The following SLC16A6 variants were observed in gnomAD, a reference collection of about 807,000 sequenced individuals.
SLC16A6 encodes the protein solute carrier family 16 member 6.
Under a neutral mutation model 33.8 loss-of-function variants are expected in SLC16A6, and 15 were observed. That is an observed-to-expected ratio of 0.44 (90% CI 0.30 to 0.68). The LOEUF (loss-of-function observed/expected upper bound fraction) is 0.68. Ranked by LOEUF, SLC16A6 falls within the 30% of genes least tolerant of loss-of-function variation. The pLI, the probability that SLC16A6 is intolerant of heterozygous loss-of-function variation, is 0.10. For missense variants in SLC16A6, 451 were observed against 661.5 expected (o/e 0.68, Z 3.49); for synonymous variants, 219 against 248.4 (o/e 0.88, Z 1.11).
chr17:68,285,829 C>T (rs1167879572), intron 1 of SLC16A6, among the ~76,000 whole-genome samples: 3 of 151,532 alleles, frequency 2.0e-5, no homozygotes, highest in African/African-American at 4.9e-5. Flanking sequence ...GGCATGATTT[C>T]GGCTCACTGC....
chr17:68,284,482 G>T (rs575960766), intron 1 of SLC16A6, among the ~76,000 whole-genome samples: 3 of 152,192 alleles, frequency 2.0e-5, no homozygotes, highest in African/African-American at 4.8e-5. Flanking sequence ...CAGGGTCAGG[G>T]TGCATTATAT....
Position 68,269,313 on chromosome 17 carries a change from C to T in SLC16A6, c.1355G>A (p.Arg452Lys). Reference sequence around the variant, plus strand: ...GCCAGCTGCGCAGGAGTAGAAGGCCCTGCTGTAGATCTTACTTTGGTCCAC... The same window carrying T: ...GCCAGCTGCGCAGGAGTAGAAGGCCTTGCTGTAGATCTTACTTTGGTCCAC... ...LLVDQSKIYS[R>K]AFYSCAAGMA... is the part of the protein sequence containing the mutation. Residue 452 changes from arginine to lysine, a missense_variant, in exon 6 of 6, where the codon AGG becomes AAG. Transcript: ENST00000580666. The T allele has an allele frequency of 8.0e-7, 1 of 1,254,500 alleles. No homozygotes were observed. The allele number at this position is 1,254,500 out of a possible 1,614,324, so 77.7% of individuals were successfully genotyped here.
intron 1 of SLC16A6, among the ~76,000 whole-genome samples, chr17:68,283,404 C>T (rs1324692105): frequency 6.6e-6 from 1 of 152,068 alleles, no homozygotes; most frequent in East Asian, 1.9e-4. Context: ...GCCTGTAGTC[C>T]CAGCTACTCC....
In SLC16A6 at chr17:68,269,920, G is replaced by A. The variant is rs1420520597; in HGVS notation, c.1322-574C>T. Among the ~76,000 whole-genome samples the A allele has an allele frequency of 5.3e-5, 8 of 151,960 alleles. No individual in the cohort carries two copies. In the East Asian group the frequency reaches 1.4e-3, roughly 26 times the overall value. On this transcript the variant is annotated intron_variant, in intron 5 of 5. Coordinates refer to ENST00000580666, the MANE Select transcript of SLC16A6 (RefSeq NM_004694.5). ...ACTCCTGACCTCAAATGATCCGCCC[G>A]CCTCATCCTCCCAAAGTGTTGGGAT...
chr17:68,280,463 G>C (rs1228115889), intron 1 of SLC16A6, among the ~76,000 whole-genome samples: 2 of 152,100 alleles, frequency 1.3e-5, no homozygotes, highest in Non-Finnish European at 2.9e-5. Context: ...TGGAACAGAA[G>C]AGAGAACCCT....
chr17:68,270,755 G>GT (rs1273694898), intron 5 of SLC16A6, 84 bp downstream of exon 5: 428 of 1,267,958 alleles, frequency 3.4e-4, no homozygotes, highest in Non-Finnish European at 4.3e-4. Flanking sequence ...ACGGCAGTAA[G>GT]TTTTTTTTAT....
chr17:68,274,277 G>A, intron 2 of SLC16A6: 1 of 440,014 alleles, frequency 2.3e-6, no homozygotes, highest in Non-Finnish European at 4.1e-6. Flanking sequence ...ACTAGCCCGG[G>A]CAACATGGTG....
Position 68,271,485 on chromosome 17 carries a change from C to G in SLC16A6, c.675G>C (p.Met225Ile). The part of the protein sequence containing the change: ...IQENRKEAQY[M>I]LENEKTRTSI... The stretch of plus-strand genomic sequence containing the variant: ...AGGTTCGTGTTTTCTCATTTTCAAG[C>G]ATATACTGCGCTTCTTTCCGATTTT... Residue 225 changes from methionine (M) to isoleucine (I), a missense_variant, in exon 5 of 6, where the codon ATG (methionine) becomes ATC (isoleucine). Met to Ile is a conservative substitution (Grantham distance 10). Transcript: ENST00000580666. The surrounding 1 kb of genome is among the most constrained non-coding windows in gnomAD (Gnocchi z 5.3). 6.2e-7 allele frequency: 1 copy of G among 1,614,166 alleles called. No individual in the cohort carries two copies. The highest frequency in any genetic ancestry group is 8.5e-7 in the Non-Finnish European group (1 of 1,180,042).
At chr17:68,283,369 A>G (rs1289847427) in intron 1 of SLC16A6, among the ~76,000 whole-genome samples, 3 of 151,798 alleles carry the variant, frequency 2.0e-5, no homozygotes, top group African/African-American at 4.8e-5. Context: ...AAATACAAAA[A>G]AATTAGCCAG....
rs201996676 is a variant in SLC16A6 at position 68,271,315 on chromosome 17, G to A, written c.845C>T (p.Pro282Leu). 14 of 1,614,196 alleles carry A rather than the reference G, an allele frequency of 8.7e-6. No homozygotes were observed. The highest frequency in any genetic ancestry group is 2.2e-5 in the South Asian group (2 of 91,084). Residue 282 changes from proline (P) to leucine (L), a missense_variant, in exon 5 of 6, where the codon CCG (proline) becomes CTG (leucine). By Grantham distance (98) the Pro-to-Leu change is moderately conservative. Around this residue, in one of 2 missense-constraint regions of SLC16A6, gnomAD observed 405 missense variants for 510.7 expected, o/e 0.79. Coordinates refer to ENST00000580666, the MANE Select transcript of SLC16A6 (RefSeq NM_004694.5). The surrounding 1 kb of genome is among the most constrained non-coding windows in gnomAD (Gnocchi z 5.3). ...TSPRPSEKKA[P>L]LLDFSILKEK... ...TTTCAAAATGGAGAAGTCTAATAGC[G>A]GGGCTTTCTTTTCGCTTGGCCTGGG...
intron 2 of SLC16A6, among the ~76,000 whole-genome samples, chr17:68,275,647 ATCTT>A (rs1225959740): frequency 6.6e-6 from 1 of 152,262 alleles, no homozygotes; most frequent in East Asian, 1.9e-4. Flanking sequence ...TTCATTTGTT[ATCTT>A]TCTAAGAAGG....
At chr17:68,272,308 A>G (rs1457562366) in intron 4 of SLC16A6, among the ~76,000 whole-genome samples, 1 of 152,230 alleles carries the variant, frequency 6.6e-6, no homozygotes, top group African/African-American at 2.4e-5. Context: ...CTAAATCCAC[A>G]TTGAATGTAG....
intron 3 of SLC16A6, among the ~76,000 whole-genome samples, chr17:68,273,403 T>C (rs1260648723): frequency 3.3e-5 from 5 of 152,116 alleles, no homozygotes; most frequent in Non-Finnish European, 2.9e-5. Context: ...TTATTTTTTG[T>C]AGAGATGGAG....
At chr17:68,289,173 G>A (rs1283134363) in intron 1 of SLC16A6, among the ~76,000 whole-genome samples, 2 of 152,078 alleles carry the variant, frequency 1.3e-5, no homozygotes, top group Non-Finnish European at 2.9e-5. Context: ...TAGTGAGGCT[G>A]TGTCTCTACA....
chr17:68,271,611 G>A lies in SLC16A6; in HGVS notation c.549C>T (p.Leu183=), dbSNP rs62087130. Residue 183 remains leucine (L), a synonymous_variant, in exon 5 of 6, where the codon CTC becomes CTT. Transcript: ENST00000580666. The surrounding 1 kb of genome is among the most constrained non-coding windows in gnomAD (Gnocchi z 5.3). ...LKERIGWRYS[L]LFVGLLQLNI... is the part of the protein sequence containing the mutation. ...TTAACTGTAGTAGGCCCACGAAGAG[G>A]AGGCTGTATCTCCAGCCAATGCGCT... is the stretch of plus-strand genomic sequence containing the variant. The A allele has an allele frequency of 5.8e-3, 9,378 of 1,613,962 alleles. 39 individuals are homozygous for A. Among genetic ancestry groups the A allele is most frequent in the Non-Finnish European group, 7.3e-3 (8,557 of 1,179,804 alleles).
chr17:68,283,858 A>G (rs1335194474), intron 1 of SLC16A6, among the ~76,000 whole-genome samples: 1 of 145,406 alleles, frequency 6.9e-6, no homozygotes, highest in African/African-American at 2.5e-5. Context: ...AGCCTGGGCA[A>G]AAAGAGCAAA....
At chr17:68,278,619 T>G (rs1349633763) in intron 1 of SLC16A6, among the ~76,000 whole-genome samples, 1 of 42,208 alleles carries the variant, frequency 2.4e-5, no homozygotes, top group Non-Finnish European at 4.3e-5. Context: ...TCTTTTTCCT[T>G]TTTTTTTTTT....
intron 1 of SLC16A6, among the ~76,000 whole-genome samples, chr17:68,286,378 A>G (rs1482860902): frequency 2.0e-5 from 3 of 152,192 alleles, no homozygotes; most frequent in African/African-American, 7.2e-5. Flanking sequence ...TTTTTGTAAA[A>G]TCTTACTCAT....
At position 68,267,309 on chromosome 17, in the gene SLC16A6, C is replaced by G. The variant is rs1293421021; in HGVS notation, c.*1787G>C. 1 of 152,126 alleles carries G rather than the reference C, an allele frequency of 6.6e-6. No homozygotes were observed. Among genetic ancestry groups the G allele is most frequent in the African/African-American group, 2.4e-5 (1 of 41,442 alleles). 9.4% of individuals were successfully genotyped at this position (152,126 alleles called of 1,614,324 possible). A position where few individuals can be genotyped will look rare whatever the true frequency, so the allele number is the denominator to read the frequency against. On this transcript the variant is annotated 3_prime_UTR_variant, in exon 6 of 6. Coordinates refer to ENST00000580666, the MANE Select transcript of SLC16A6 (RefSeq NM_004694.5). ...GTCATGTAAGTCTGCAAAACTGCCA[C>G]AAGCTCAAAGTTCTCAAGCAGTGAC...
Sources: gnomAD v4.1 joint callset for allele counts (sites outside exome capture counted in the v4.1 genomes callset) on GRCh38, gnomAD v4.1.1 for gene constraint, gnomAD v4.1.1 regional missense constraint, Gnocchi (gnomAD v3.1) non-coding constraint, MANE v1.5 for transcripts, NCBI Gene and HGNC (gene_info 2026-07-23, HGNC 2026-07-21) for gene names.